CA12: variants seen among roughly 807,000 people sequenced by gnomAD.
CA12 encodes the protein carbonate dehydratase XII.
CA12 carries 36 observed loss-of-function variants against 46.8 expected under a neutral mutation model. The ratio of observed to expected loss-of-function variants is 0.77; its 90% CI spans 0.59 to 1.02. CA12 has a LOEUF of 1.02. Ranked by LOEUF, CA12 falls within the 50% of genes least tolerant of loss-of-function variation. The pLI, the probability that CA12 is intolerant of heterozygous loss-of-function variation, is 0.00. For missense variants in CA12, 436 were observed against 451.4 expected (o/e 0.97, Z 0.31); for synonymous variants, 202 against 187.0 (o/e 1.08, Z -0.65).
At chr15:63,334,400 C>T (rs1162588894) in intron 8 of CA12, among the ~76,000 whole-genome samples, 4 of 151,650 alleles carry the variant, frequency 2.6e-5, no homozygotes, top group African/African-American at 4.8e-5. Flanking sequence ...GGACTACTGG[C>T]ATGCACCACC....
chr15:63,326,086 C>A lies in CA12; in HGVS notation c.*199G>T. On this transcript the variant is annotated 3_prime_UTR_variant, in exon 11 of 11. Transcript: ENST00000178638. ...CCTGCTGCTTGGTCTGAGAGTGCAT[C>A]CCATCCATCGATCGGATGGCTCTGG... is the stretch of plus-strand genomic sequence containing the variant. The A allele has an allele frequency of 1.7e-6, 1 of 603,248 alleles. No homozygotes were observed. Among genetic ancestry groups the A allele is most frequent in the Non-Finnish European group, 3.0e-6 (1 of 332,530 alleles). The allele number at this position is 603,248 out of a possible 1,614,324, so 37.4% of individuals were successfully genotyped here.
intron 4 of CA12, among the ~76,000 whole-genome samples, chr15:63,342,828 T>C (rs1194647295): frequency 6.6e-6 from 1 of 152,194 alleles, no homozygotes; most frequent in Admixed American, 6.5e-5. Context: ...CATATTGAGA[T>C]TTTAACTCTA....
intron 2 of CA12, 154 bp downstream of exon 2, chr15:63,375,504 G>T: frequency 1.6e-6 from 1 of 619,090 alleles, no homozygotes; most frequent in Non-Finnish European, 2.9e-6. Flanking sequence ...AGTGTTCTTA[G>T]GAGATGCCTT....
At chr15:63,349,363 A>T (rs2039195939) in intron 2 of CA12, among the ~76,000 whole-genome samples, 1 of 152,164 alleles carries the variant, frequency 6.6e-6, no homozygotes, top group African/African-American at 2.4e-5. Context: ...AGCTTCGGGA[A>T]TGAGGGCACA....
At chr15:63,358,752 C>T (rs2039323187) in intron 2 of CA12, among the ~76,000 whole-genome samples, 1 of 152,046 alleles carries the variant, frequency 6.6e-6, no homozygotes, top group Non-Finnish European at 1.5e-5. Context: ...TTGCCCCTGA[C>T]CTGATTACTC....
In CA12 at chr15:63,373,680, T is replaced by C. The variant is rs979638089; in HGVS notation, c.106+1978A>G. 6.6e-6 allele frequency among the ~76,000 whole-genome samples: 1 copy of C among 152,212 alleles called. No individual in the cohort carries two copies. Among genetic ancestry groups the C allele is most frequent in the African/African-American group, 2.4e-5 (1 of 41,448 alleles). ...AGGTCTAGCCCAAGGCCTAGAAATC[T>C]GCATTTTGGGGAAGTATTCCAGGTG... On this transcript the variant is annotated intron_variant, in intron 2 of 10. Coordinates refer to ENST00000178638, the MANE Select transcript of CA12 (RefSeq NM_001218.5). This position sits in a 1 kb window ranked among gnomAD's most constrained non-coding sequence, Gnocchi z 4.9.
intron 2 of CA12, among the ~76,000 whole-genome samples, chr15:63,364,993 G>A (rs1304555958): frequency 6.6e-6 from 1 of 152,102 alleles, no homozygotes; most frequent in Non-Finnish European, 1.5e-5. Flanking sequence ...CTGTTGCTGG[G>A]GCTGAGTGCA....
chr15:63,368,477 C>G (rs1356865770), intron 2 of CA12, among the ~76,000 whole-genome samples: 1 of 152,222 alleles, frequency 6.6e-6, no homozygotes, highest in Non-Finnish European at 1.5e-5. Context: ...CAAGGAGAAC[C>G]AGGACTTCCT....
rs1555431591 is a variant in CA12, at chr15:63,364,346, A to AAAAAAAC, written c.106+11311_106+11312insGTTTTTT. Among the ~76,000 whole-genome samples, 679 of 146,982 alleles carry AAAAAAAC rather than the reference A, an allele frequency of 4.6e-3. 35 individuals are homozygous for AAAAAAAC. The highest frequency in any genetic ancestry group is 7.9e-3 in the Non-Finnish European group (521 of 65,992). On this transcript the variant is annotated intron_variant, in intron 2 of 10. Coordinates refer to ENST00000178638, the MANE Select transcript of CA12 (RefSeq NM_001218.5). ...CCCCGTCACTAGAAAAAAAAAAAAAAAAAAAAAAACAGTGGGACTCTTAGG... is the reference window on the plus strand; with the variant it reads ...CCCCGTCACTAGAAAAAAAAAAAAAAAAAAAACAAAAAAAAACAGTGGGACTCTTAGG...
Position 63,340,242 on chromosome 15 carries a change from A to C in CA12, c.747+46T>G. ...GATTGTGATATGGAGGATGATGGGG[A>C]CTGAGGTGCCGCGTGGACTCTGGCT... On this transcript the variant is annotated intron_variant, in intron 7 of 10. Transcript: ENST00000178638. The surrounding 1 kb of genome is among the most constrained non-coding windows in gnomAD (Gnocchi z 4.4). The C allele has an allele frequency of 6.2e-7, 1 of 1,606,498 alleles. No individual in the cohort carries two copies. The highest frequency in any genetic ancestry group is 8.5e-7 in the Non-Finnish European group (1 of 1,173,232).
In CA12 at chr15:63,342,026, G is replaced by C. The variant is rs144911394; in HGVS notation, c.501C>G (p.Leu167=). Residue 167 remains leucine (L), a synonymous_variant, in exon 5 of 11, where the codon CTC becomes CTG. Transcript: ENST00000178638. The stretch of plus-strand genomic sequence containing the variant: ...CCTCAATGAGAACAGCCAGGACAGC[G>C]AGGCCTTCTGACTTGTTGCTGGCAG... The part of the protein sequence containing the change: ...ASTASNKSEG[L]AVLAVLIEMG... 1 of 1,613,630 alleles carries C rather than the reference G, an allele frequency of 6.2e-7. No individual in the cohort carries two copies. The highest frequency in any genetic ancestry group is 1.7e-5 in the Admixed American group (1 of 60,016).
chr15:63,377,477 CT>C (rs567253923), intron 1 of CA12, among the ~76,000 whole-genome samples: 362 of 135,982 alleles, frequency 2.7e-3, no homozygotes, highest in African/African-American at 0.011. Flanking sequence ...GTGAACTTGG[CT>C]TTTTTTTTAA....
At chr15:63,356,041 G>A (rs1409147108) in intron 2 of CA12, among the ~76,000 whole-genome samples, 1 of 152,182 alleles carries the variant, frequency 6.6e-6, no homozygotes, top group African/African-American at 2.4e-5. Context: ...TTTATTCAGT[G>A]TTGACCATCA....
chr15:63,364,628 C>T (rs544634473), intron 2 of CA12, among the ~76,000 whole-genome samples: 17 of 152,314 alleles, frequency 1.1e-4, no homozygotes, highest in African/African-American at 3.4e-4. Context: ...CGCAGTGTGC[C>T]GTTCTCATAT....
intron 8 of CA12, among the ~76,000 whole-genome samples, chr15:63,337,629 G>A (rs1386639367): frequency 6.6e-6 from 1 of 152,092 alleles, no homozygotes; most frequent in Non-Finnish European, 1.5e-5. Context: ...GCTAATTTTT[G>A]TATTTTTAGT....
intron 4 of CA12, among the ~76,000 whole-genome samples, chr15:63,344,727 A>G (rs1016046876): frequency 7.2e-5 from 11 of 152,134 alleles, no homozygotes. Context: ...TTCCCTGTAA[A>G]TATTCAGAGC....
At chr15:63,362,613 A>C (rs895670037) in intron 2 of CA12, among the ~76,000 whole-genome samples, 7 of 152,196 alleles carry the variant, frequency 4.6e-5, no homozygotes, top group Non-Finnish European at 8.8e-5. Context: ...AAAAGACAGA[A>C]ACTTCCTGAA....
intron 2 of CA12, among the ~76,000 whole-genome samples, chr15:63,358,014 C>T (rs573333064): frequency 1.3e-5 from 2 of 152,284 alleles, no homozygotes; most frequent in South Asian, 2.1e-4. Flanking sequence ...ATAAAAAGGG[C>T]CTTCATGCCT....
At position 63,330,662 on chromosome 15, in the gene CA12, A is replaced by C. The variant is rs1301405830; in HGVS notation, c.875-2532T>G. Reference sequence around the variant, plus strand: ...GGTCTTGGGGAGCTGAGCAAAGTCTATGGAGAGCAAGGCCCCAGCAAGGGT... The same window carrying C: ...GGTCTTGGGGAGCTGAGCAAAGTCTCTGGAGAGCAAGGCCCCAGCAAGGGT... On this transcript the variant is annotated intron_variant, in intron 8 of 10. Coordinates refer to ENST00000178638, the MANE Select transcript of CA12 (RefSeq NM_001218.5). This position sits in a 1 kb window ranked among gnomAD's most constrained non-coding sequence, Gnocchi z 4.0. Among the ~76,000 whole-genome samples, 2 of 151,778 alleles carry C rather than the reference A, an allele frequency of 1.3e-5. No homozygotes were observed. Among genetic ancestry groups the C allele is most frequent in the African/African-American group, 4.8e-5 (2 of 41,370 alleles).
Sources: gnomAD v4.1 joint callset for allele counts (sites outside exome capture counted in the v4.1 genomes callset) on GRCh38, gnomAD v4.1.1 for gene constraint, Gnocchi (gnomAD v3.1) non-coding constraint, MANE v1.5 for transcripts, NCBI Gene and HGNC (gene_info 2026-07-23, HGNC 2026-07-21) for gene names.